HSD17B2: variants seen among roughly 807,000 people sequenced by gnomAD.
HSD17B2 encodes hydroxysteroid 17-beta dehydrogenase 2.
A neutral mutation model predicts 26.9 loss-of-function variants in HSD17B2; 32 were observed. The ratio of observed to expected loss-of-function variants is 1.19; its 90% CI spans 0.90 to 1.60. The LOEUF (loss-of-function observed/expected upper bound fraction) is 1.60. Ranked by LOEUF, HSD17B2 falls within the 40% of genes most tolerant of loss-of-function variation. The probability of loss-of-function intolerance (pLI) is 0.00; values close to 1 mark genes in which losing one functional copy is unlikely to be tolerated. For missense variants in HSD17B2, 613 were observed against 468.6 expected (o/e 1.31, Z -2.85); for synonymous variants, 246 against 186.7 (o/e 1.32, Z -2.59).
chr16:82,068,677 C>T lies in HSD17B2; in HGVS notation c.478+295C>T, dbSNP rs559093084. 1.4e-4 allele frequency among the ~76,000 whole-genome samples: 22 copies of T among 152,264 alleles called. No homozygotes were observed. The South Asian group carries it at 3.1e-3, about 22-fold the overall frequency. On this transcript the variant is annotated intron_variant, in intron 2 of 4. Coordinates refer to ENST00000199936, the MANE Select transcript of HSD17B2 (RefSeq NM_002153.3). Reference sequence around the variant, plus strand: ...AGCCCCAGCTCATTGCTTTTCTGTCCGCAATAGCAACATGCATTAGAGTCT... The same window carrying T: ...AGCCCCAGCTCATTGCTTTTCTGTCTGCAATAGCAACATGCATTAGAGTCT...
At chr16:82,091,581 G>A (rs188072192) in intron 4 of HSD17B2, 3 of 160,280 alleles carry the variant, frequency 1.9e-5, no homozygotes, top group East Asian at 1.8e-4. Flanking sequence ...GTCTTGGATA[G>A]AACAAATAGT....
At chr16:82,040,175 C>A (rs986863510) in intron 1 of HSD17B2, among the ~76,000 whole-genome samples, 13 of 152,148 alleles carry the variant, frequency 8.5e-5, no homozygotes, top group African/African-American at 2.9e-4. Context: ...ATATTTTATG[C>A]TCACAAGAAA....
At chr16:82,057,879 C>G (rs183503379) in intron 1 of HSD17B2, among the ~76,000 whole-genome samples, 1 of 152,256 alleles carries the variant, frequency 6.6e-6, no homozygotes, top group East Asian at 1.9e-4. Flanking sequence ...CCACAGGAGT[C>G]TAAGCAGACA....
chr16:82,065,548 T>C (rs1597129814), intron 1 of HSD17B2, among the ~76,000 whole-genome samples: 1 of 152,064 alleles, frequency 6.6e-6, no homozygotes, highest in African/African-American at 2.4e-5. Flanking sequence ...CCTCACAAAA[T>C]GGGAAAGGCT....
At chr16:82,045,702 G>C (rs757795548) in intron 1 of HSD17B2, among the ~76,000 whole-genome samples, 23 of 152,158 alleles carry the variant, frequency 1.5e-4, no homozygotes, top group Non-Finnish European at 2.9e-4. Flanking sequence ...CCCTCTTTTT[G>C]TAGCAGACTT....
Position 82,047,364 on chromosome 16 carries a change from A to G in HSD17B2, c.265+11675A>G, listed in dbSNP as rs540732524. 1.8e-4 allele frequency among the ~76,000 whole-genome samples: 28 copies of G among 152,360 alleles called. 1 individual carries two copies. The highest frequency in any genetic ancestry group is 1.7e-3 in the Admixed American group (26 of 15,304). On this transcript the variant is annotated intron_variant, in intron 1 of 4. Transcript: ENST00000199936. ...ATGGCATAGGAGGGTTTTAAAAAAG[A>G]ACTCTGATTAGCAGTGTGGAAAGGG... is the stretch of plus-strand genomic sequence containing the variant.
intron 1 of HSD17B2, among the ~76,000 whole-genome samples, chr16:82,051,549 C>T (rs913944097): frequency 1.3e-5 from 2 of 151,220 alleles, no homozygotes; most frequent in Admixed American, 6.6e-5. Flanking sequence ...AGTAACAGCA[C>T]ACATCGGGGC....
chr16:82,090,068 C>CT lies in HSD17B2; in HGVS notation c.665-831dup, dbSNP rs1237771213. On this transcript the variant is annotated intron_variant, in intron 3 of 4. Transcript: ENST00000199936. ...ATCTGCTCTAGCCCTAGAATAAGTC[C>CT]TTTCTCACATCCTCTTAAAGAGATG... 3.1e-5 allele frequency: 6 copies of CT among 195,434 alleles called. 1 individual carries two copies. The highest frequency in any genetic ancestry group is 1.2e-4 in the African/African-American group (5 of 42,446). The allele number at this position is 195,434 out of a possible 1,614,324, so 12.1% of individuals were successfully genotyped here. A position where few individuals can be genotyped will look rare whatever the true frequency, so the allele number is the denominator to read the frequency against.
At chr16:82,098,052 T>A (rs1278776387) in intron 4 of HSD17B2, 23 bp from the exon 5 acceptor site, 4 of 1,592,192 alleles carry the variant, frequency 2.5e-6, no homozygotes, top group Non-Finnish European at 3.4e-6. Flanking sequence ...AGGATCTGAC[T>A]CTTCCCTTTC....
At chr16:82,053,686 T>C (rs1914176860) in intron 1 of HSD17B2, among the ~76,000 whole-genome samples, 1 of 152,098 alleles carries the variant, frequency 6.6e-6, no homozygotes, top group African/African-American at 2.4e-5. Context: ...TTAAATTCAT[T>C]GGTTGTGGCT....
intron 3 of HSD17B2, among the ~76,000 whole-genome samples, chr16:82,086,946 G>C (rs918919099): frequency 7.2e-5 from 11 of 152,198 alleles, no homozygotes; most frequent in African/African-American, 2.7e-4. Context: ...TTCAAGGAGA[G>C]AGTGTGAGGT....
At chr16:82,083,244 G>A (rs934303646) in intron 3 of HSD17B2, among the ~76,000 whole-genome samples, 1 of 152,156 alleles carries the variant, frequency 6.6e-6, no homozygotes, top group Non-Finnish European at 1.5e-5. Context: ...GCAATCTAGA[G>A]TCAACCATGT....
chr16:82,048,868 T>C (rs377274084), intron 1 of HSD17B2, among the ~76,000 whole-genome samples: 8 of 152,178 alleles, frequency 5.3e-5, no homozygotes, highest in African/African-American at 1.9e-4. Context: ...GAGAATAAAA[T>C]GAAATGAGCA....
intron 3 of HSD17B2, among the ~76,000 whole-genome samples, chr16:82,082,115 G>T (rs2144004271): frequency 6.6e-6 from 1 of 152,204 alleles, no homozygotes; most frequent in Non-Finnish European, 1.5e-5. Flanking sequence ...CTACTTCTTG[G>T]CAACCTCATT....
In HSD17B2 at chr16:82,079,089, G is replaced by A. The variant is rs1436082010; in HGVS notation, c.664+7962G>A. Among the ~76,000 whole-genome samples, 10 of 152,150 alleles carry A rather than the reference G, an allele frequency of 6.6e-5. 1 individual carries two copies. The highest frequency in any genetic ancestry group is 5.9e-4 in the Admixed American group (9 of 15,272). ...AGGTGATGGAGACTCCATTTGCCCT[G>A]ATGTGATTATTATGTATTGCATGCT... is the stretch of plus-strand genomic sequence containing the variant. On this transcript the variant is annotated intron_variant, in intron 3 of 4. Coordinates refer to ENST00000199936, the MANE Select transcript of HSD17B2 (RefSeq NM_002153.3).
chr16:82,048,524 T>C lies in HSD17B2; in HGVS notation c.265+12835T>C, dbSNP rs554655464. ...GATGGGGAATTAGCTCCAGGGAACA[T>C]GAAGATCAAAAGAAAAAGTTTGGTG... is the stretch of plus-strand genomic sequence containing the variant. On this transcript the variant is annotated intron_variant, in intron 1 of 4. Transcript: ENST00000199936. 9.9e-5 allele frequency among the ~76,000 whole-genome samples: 15 copies of C among 152,140 alleles called. 1 individual carries two copies. In the South Asian group the frequency reaches 1.5e-3, roughly 15 times the overall value.
rs561372432 is a variant in HSD17B2, at chr16:82,076,930, A to C, written c.664+5803A>C. 2.6e-5 allele frequency among the ~76,000 whole-genome samples: 4 copies of C among 152,348 alleles called. No homozygotes were observed. The South Asian group carries it at 8.3e-4, about 32-fold the overall frequency. ...ATCTCATTTACAATAGCTACAAATA[A>C]AATGAAATACCTGGGAATTAACCTA... is the stretch of plus-strand genomic sequence containing the variant. On this transcript the variant is annotated intron_variant, in intron 3 of 4. Coordinates refer to ENST00000199936, the MANE Select transcript of HSD17B2 (RefSeq NM_002153.3).
At chr16:82,053,901 G>C (rs1478877270) in intron 1 of HSD17B2, among the ~76,000 whole-genome samples, 1 of 152,174 alleles carries the variant, frequency 6.6e-6, no homozygotes, top group African/African-American at 2.4e-5. Context: ...ATAGATAGAA[G>C]TTCATTATCA....
intron 1 of HSD17B2, chr16:82,056,569 G>C (rs575556469): frequency 6.6e-6 from 1 of 152,250 alleles, no homozygotes; most frequent in East Asian, 1.9e-4. Flanking sequence ...TGAGGGGTGG[G>C]GACAACTGGA....
Sources: allele counts gnomAD v4.1 joint callset (sites outside exome capture counted in the v4.1 genomes callset), GRCh38; gene constraint gnomAD v4.1.1; transcripts MANE v1.5; gene names NCBI Gene and HGNC (gene_info 2026-07-23, HGNC 2026-07-21).